Variants in TTC33 observed in about 807,000 individuals in gnomAD.
TTC33 encodes the protein tetratricopeptide repeat domain 33.
Under a neutral mutation model 29.4 loss-of-function variants are expected in TTC33, and 24 were observed. The observed-to-expected ratio is 0.82, with a 90% CI of 0.59 to 1.15. The LOEUF (loss-of-function observed/expected upper bound fraction) is 1.15. TTC33 is among the 50% of genes most tolerant of loss of function. The pLI, the probability that TTC33 is intolerant of heterozygous loss-of-function variation, is 0.00. For missense variants in TTC33, 286 were observed against 310.4 expected (o/e 0.92, Z 0.59); for synonymous variants, 107 against 100.3 (o/e 1.07, Z -0.40).
intron 2 of TTC33, among the ~76,000 whole-genome samples, chr5:40,732,926 C>G (rs142375152): frequency 1.6e-3 from 240 of 152,126 alleles, no homozygotes; most frequent in Non-Finnish European, 1.4e-3. Flanking sequence ...CAGATTCTAT[C>G]TACCTCATTT....
chr5:40,753,513 A>G (rs1742934626), intron 1 of TTC33, among the ~76,000 whole-genome samples: 1 of 152,140 alleles, frequency 6.6e-6, no homozygotes, highest in South Asian at 2.1e-4. Context: ...GGACAATGCA[A>G]ACTCTCTCCC....
At position 40,715,485 on chromosome 5, in the gene TTC33, C is replaced by T. The variant is rs1051136843; in HGVS notation, c.*660G>A. 7.2e-5 allele frequency: 11 copies of T among 152,256 alleles called. No homozygotes were observed. The highest frequency in any genetic ancestry group is 2.2e-4 in the African/African-American group (9 of 41,454). The allele number at this position is 152,256 out of a possible 1,614,324, so 9.4% of individuals were successfully genotyped here. On this transcript the variant is annotated 3_prime_UTR_variant, in exon 5 of 5. Coordinates refer to ENST00000337702, the MANE Select transcript of TTC33 (RefSeq NM_012382.3). ...CATTCTCATATTTATCAATACTTTA[C>T]ACTTTTACCAAATACTGAAGGAGAC...
intron 1 of TTC33, among the ~76,000 whole-genome samples, chr5:40,752,080 A>C (rs917680076): frequency 5.3e-5 from 8 of 152,224 alleles, no homozygotes; most frequent in African/African-American, 1.9e-4. Flanking sequence ...TCATGTTATG[A>C]AAATGGCTTC....
Position 40,731,548 on chromosome 5 carries a change from G to A in TTC33, c.222-1205C>T, listed in dbSNP as rs1194456019. Among the ~76,000 whole-genome samples the A allele has an allele frequency of 2.0e-5, 3 of 152,202 alleles. 1 individual carries two copies. Among genetic ancestry groups the A allele is most frequent in the Non-Finnish European group, 2.9e-5 (2 of 68,042 alleles). ...CACATCCTTCTTCACATGGAGGCAC[G>A]AGAGAGAAATGAGCGCTGAGCAAAC... On this transcript the variant is annotated intron_variant, in intron 2 of 4. Transcript: ENST00000337702.
intron 2 of TTC33, among the ~76,000 whole-genome samples, chr5:40,745,803 T>C (rs1478117118): frequency 2.0e-5 from 3 of 151,802 alleles, no homozygotes; most frequent in African/African-American, 4.8e-5. Flanking sequence ...GGCAAGATCA[T>C]AGCTCACCGC....
chr5:40,754,399 T>C lies in TTC33; in HGVS notation c.-2+1425A>G, dbSNP rs1270004411. 2.0e-5 allele frequency among the ~76,000 whole-genome samples: 3 copies of C among 152,284 alleles called. No homozygotes were observed. In the East Asian group the frequency reaches 5.8e-4, roughly 29 times the overall value. On this transcript the variant is annotated intron_variant, in intron 1 of 4. Transcript: ENST00000337702. The stretch of plus-strand genomic sequence containing the variant: ...AGGGAAAGGAAAATGAGGAATTTCA[T>C]GCCCCAAGCTTCACATTTCTCCAGC...
At chr5:40,745,728 A>G (rs975930553) in intron 2 of TTC33, among the ~76,000 whole-genome samples, 2 of 150,818 alleles carry the variant, frequency 1.3e-5, no homozygotes, top group Non-Finnish European at 2.9e-5. Flanking sequence ...TACTAGATAT[A>G]CGATTTATTT....
At chr5:40,726,267 C>G (rs1362759291) in intron 4 of TTC33, among the ~76,000 whole-genome samples, 1 of 151,300 alleles carries the variant, frequency 6.6e-6, no homozygotes. Context: ...CCAACTCTTA[C>G]AAAGTTTAAA....
chr5:40,741,146 T>C (rs972095643), intron 2 of TTC33, among the ~76,000 whole-genome samples: 1 of 152,248 alleles, frequency 6.6e-6, no homozygotes, highest in Non-Finnish European at 1.5e-5. Flanking sequence ...ATGCTGAATA[T>C]TTTAAATGTT....
At chr5:40,722,242 A>G (rs181325112) in intron 4 of TTC33, among the ~76,000 whole-genome samples, 2 of 151,556 alleles carry the variant, frequency 1.3e-5, no homozygotes, top group African/African-American at 4.8e-5. Flanking sequence ...CCCAGGCGTG[A>G]TCTCGGCTCG....
At chr5:40,734,529 C>T (rs1005554459) in intron 2 of TTC33, among the ~76,000 whole-genome samples, 1 of 152,094 alleles carries the variant, frequency 6.6e-6, no homozygotes, top group African/African-American at 2.4e-5. Flanking sequence ...TGAGATAATG[C>T]CCTATACTGA....
intron 1 of TTC33, among the ~76,000 whole-genome samples, chr5:40,753,067 A>T (rs1345938072): frequency 6.6e-6 from 1 of 152,186 alleles, no homozygotes; most frequent in East Asian, 1.9e-4. Flanking sequence ...AAATCACAGC[A>T]ATCAAGAAAT....
intron 4 of TTC33, among the ~76,000 whole-genome samples, chr5:40,727,567 C>T (rs531647952): frequency 1.1e-4 from 16 of 152,308 alleles, no homozygotes; most frequent in African/African-American, 3.8e-4. Flanking sequence ...TCTTTATCCC[C>T]TCAATAAGCC....
chr5:40,718,559 G>A (rs1442586791), intron 4 of TTC33, among the ~76,000 whole-genome samples: 1 of 152,070 alleles, frequency 6.6e-6, no homozygotes, highest in Non-Finnish European at 1.5e-5. Context: ...GGCCAAAATG[G>A]TGAAACCCTG....
At chr5:40,729,321 ATT>A (rs944474358) in intron 3 of TTC33, among the ~76,000 whole-genome samples, 3 of 152,224 alleles carry the variant, frequency 2.0e-5, no homozygotes, top group African/African-American at 7.2e-5. Context: ...TTTGAAAAAT[ATT>A]TGTTAGGTGT....
intron 2 of TTC33, among the ~76,000 whole-genome samples, chr5:40,733,948 A>G (rs1434293471): frequency 6.6e-6 from 1 of 152,226 alleles, no homozygotes; most frequent in Non-Finnish European, 1.5e-5. Context: ...AGATTTGAGA[A>G]AAAAGAAAAA....
At chr5:40,739,169 CTTAAA>C (rs1742639619) in intron 2 of TTC33, among the ~76,000 whole-genome samples, 1 of 152,118 alleles carries the variant, frequency 6.6e-6, no homozygotes, top group Admixed American at 6.6e-5. Flanking sequence ...CAGTTAAGGA[CTTAAA>C]TTAAGTAATA....
intron 1 of TTC33, among the ~76,000 whole-genome samples, chr5:40,752,001 A>G (rs1186091637): frequency 6.6e-6 from 1 of 152,038 alleles, no homozygotes; most frequent in East Asian, 1.9e-4. Flanking sequence ...TAGTGTAGCC[A>G]ACTTCATCAA....
chr5:40,747,137 T>A, intron 1 of TTC33, 118 bp from the exon 2 acceptor site: 1 of 831,754 alleles, frequency 1.2e-6, no homozygotes, highest in Non-Finnish European at 1.8e-6. Flanking sequence ...CGGCTCACCG[T>A]AACCTCCGCC....
Sources: gnomAD v4.1 joint callset for allele counts (sites outside exome capture counted in the v4.1 genomes callset) on GRCh38, gnomAD v4.1.1 for gene constraint, MANE v1.5 for transcripts, NCBI Gene and HGNC (gene_info 2026-07-23, HGNC 2026-07-21) for gene names.